The following MRPL3 variants were observed in gnomAD, a reference collection of about 807,000 sequenced individuals.
MRPL3 encodes the protein large ribosomal subunit protein uL3m.
Under a neutral mutation model 44.3 loss-of-function variants are expected in MRPL3, and 43 were observed. The ratio of observed to expected loss-of-function variants is 0.97; its 90% CI spans 0.76 to 1.25. MRPL3 has a LOEUF of 1.25. MRPL3 is among the 50% of genes most tolerant of loss of function. The pLI is 0.00. For synonymous variants in MRPL3, 171 were observed against 152.3 expected (o/e 1.12, Z -0.91); for missense variants, 406 against 427.6 (o/e 0.95, Z 0.45).
At chr3:131,490,571 C>T (rs1357122781) in intron 4 of MRPL3, among the ~76,000 whole-genome samples, 21 of 152,204 alleles carry the variant, frequency 1.4e-4, no homozygotes, top group Non-Finnish European at 1.5e-5. Context: ...AAATCATTTT[C>T]ACACTCTATA....
chr3:131,491,506 T>C (rs1310247951), intron 4 of MRPL3, among the ~76,000 whole-genome samples: 1 of 152,108 alleles, frequency 6.6e-6, no homozygotes, highest in African/African-American at 2.4e-5. Context: ...AACTTAAGCT[T>C]AACGTGTCTA....
chr3:131,486,444 A>ATT (rs1553718275), intron 6 of MRPL3, among the ~76,000 whole-genome samples: 21 of 139,440 alleles, frequency 1.5e-4, no homozygotes, highest in African/African-American at 5.0e-4. Flanking sequence ...TGGGAGAAAA[A>ATT]TTTTTTTTTT....
At chr3:131,502,632 C>A in intron 1 of MRPL3, 98 bp downstream of exon 1, 1 of 946,938 alleles carries the variant, frequency 1.1e-6, no homozygotes, top group Non-Finnish European at 1.6e-6. Flanking sequence ...CTCAACAGAG[C>A]CCCTTCCTCC....
intron 6 of MRPL3, among the ~76,000 whole-genome samples, chr3:131,476,675 T>A (rs1339313786): frequency 1.3e-5 from 2 of 152,204 alleles, no homozygotes; most frequent in Non-Finnish European, 2.9e-5. Flanking sequence ...ATTTAGAGTA[T>A]CTATACTAAA....
chr3:131,502,595 C>T (rs753087379), intron 1 of MRPL3, 135 bp downstream of exon 1: 22 of 687,352 alleles, frequency 3.2e-5, no homozygotes, highest in Non-Finnish European at 4.6e-5. Flanking sequence ...CTTAGGTTAA[C>T]GGCCCTTATT....
intron 6 of MRPL3, among the ~76,000 whole-genome samples, chr3:131,476,973 A>T (rs772998876): frequency 1.3e-5 from 2 of 152,226 alleles, no homozygotes; most frequent in Non-Finnish European, 2.9e-5. Flanking sequence ...GAGAAGCTTA[A>T]AGGTATGGCT....
At chr3:131,478,868 T>C (rs1018642212) in intron 6 of MRPL3, among the ~76,000 whole-genome samples, 1 of 151,966 alleles carries the variant, frequency 6.6e-6, no homozygotes, top group African/African-American at 2.4e-5. Flanking sequence ...ATTTTTTGTC[T>C]TTTTAGTAGA....
chr3:131,498,391 A>G, intron 3 of MRPL3, 114 bp from the exon 4 acceptor site: 1 of 615,790 alleles, frequency 1.6e-6, no homozygotes, highest in Non-Finnish European at 2.8e-6. Flanking sequence ...TACTTACCTC[A>G]TCTTTCCTCT....
chr3:131,497,270 G>A (rs954619204), intron 4 of MRPL3, among the ~76,000 whole-genome samples: 5 of 152,182 alleles, frequency 3.3e-5, no homozygotes, highest in African/African-American at 4.8e-5. Context: ...AGTTAACTGC[G>A]TTAGCCTCAG....
intron 7 of MRPL3, among the ~76,000 whole-genome samples, chr3:131,470,617 G>GACACAC (rs370195418): frequency 1.3e-5 from 2 of 150,868 alleles, no homozygotes; most frequent in African/African-American, 4.9e-5. Flanking sequence ...ACAGAACTAA[G>GACACAC]ACACACACAC....
intron 4 of MRPL3, among the ~76,000 whole-genome samples, chr3:131,494,389 G>C (rs1043976180): frequency 1.3e-5 from 2 of 152,248 alleles, no homozygotes; most frequent in South Asian, 4.1e-4. Context: ...TCATTTAACA[G>C]TATGGCTCCT....
chr3:131,470,679 T>C (rs1373000709), intron 7 of MRPL3, among the ~76,000 whole-genome samples: 1 of 152,040 alleles, frequency 6.6e-6, no homozygotes, highest in Admixed American at 6.6e-5. Context: ...TGTGCATGCA[T>C]GCATTCCCCT....
Position 131,481,622 on chromosome 3 carries a change from G to A in MRPL3, c.629+6058C>T, listed in dbSNP as rs141310794. ...TGCTGAGCTTGAGTAAAAACATGCTGCTTTGTAAATAAGGAGGCAACTATA... is the reference window on the plus strand; with the variant it reads ...TGCTGAGCTTGAGTAAAAACATGCTACTTTGTAAATAAGGAGGCAACTATA... On this transcript the variant is annotated intron_variant, in intron 6 of 9. Transcript: ENST00000264995. 1.5e-3 allele frequency among the ~76,000 whole-genome samples: 234 copies of A among 152,262 alleles called. 1 individual carries two copies. The highest frequency in any genetic ancestry group is 5.2e-3 in the African/African-American group (214 of 41,538).
chr3:131,475,116 T>C (rs955307026), intron 6 of MRPL3, among the ~76,000 whole-genome samples: 3 of 152,120 alleles, frequency 2.0e-5, no homozygotes, highest in Non-Finnish European at 4.4e-5. Flanking sequence ...TGAAGATTTT[T>C]CTCACCTTTT....
intron 4 of MRPL3, 37 bp downstream of exon 4, chr3:131,498,142 A>G: frequency 7.5e-7 from 1 of 1,325,068 alleles, no homozygotes; most frequent in Non-Finnish European, 1.1e-6. Context: ...AAACTGATGA[A>G]AAATGCAGTA....
In MRPL3 at chr3:131,480,419, T is replaced by C. The variant is rs558215094; in HGVS notation, c.629+7261A>G. Among the ~76,000 whole-genome samples, 5 of 152,324 alleles carry C rather than the reference T, an allele frequency of 3.3e-5. No homozygotes were observed. The East Asian group carries it at 7.7e-4, about 24-fold the overall frequency. On this transcript the variant is annotated intron_variant, in intron 6 of 9. Coordinates refer to ENST00000264995, the MANE Select transcript of MRPL3 (RefSeq NM_007208.4). ...AATATCAATATAGCTGTTAACTCTT[T>C]AGGACGAATTTGTGACAGCATGACC...
intron 6 of MRPL3, among the ~76,000 whole-genome samples, chr3:131,475,922 G>C (rs1198793845): frequency 6.6e-6 from 1 of 152,168 alleles, no homozygotes; most frequent in Non-Finnish European, 1.5e-5. Context: ...GAGAAAAGGA[G>C]ACAGAGAGAC....
intron 9 of MRPL3, among the ~76,000 whole-genome samples, chr3:131,466,888 C>G (rs773706052): frequency 1.3e-5 from 2 of 151,796 alleles, no homozygotes; most frequent in Non-Finnish European, 2.9e-5. Flanking sequence ...TGAAATATAC[C>G]TTACTATTAG....
At chr3:131,477,469 C>A (rs1933878927) in intron 6 of MRPL3, among the ~76,000 whole-genome samples, 1 of 152,188 alleles carries the variant, frequency 6.6e-6, no homozygotes, top group South Asian at 2.1e-4. Context: ...GAGGTTAATC[C>A]CCAAATCCCA....
Sources: gnomAD v4.1 joint callset for allele counts (sites outside exome capture counted in the v4.1 genomes callset) on GRCh38, gnomAD v4.1.1 for gene constraint, MANE v1.5 for transcripts, NCBI Gene and HGNC (gene_info 2026-07-23, HGNC 2026-07-21) for gene names.